Variants in NBPF10 observed in about 807,000 individuals in gnomAD.
The protein encoded by NBPF10 is NBPF member 10.
A neutral mutation model predicts 77.9 loss-of-function variants in NBPF10; 63 were observed. The observed-to-expected ratio is 0.81, with a 90% confidence interval of 0.66 to 1.00. The LOEUF (loss-of-function observed/expected upper bound fraction) is 1.00, where lower values mean the gene tolerates loss of function less well. Ranked by LOEUF, NBPF10 falls within the 50% of genes least tolerant of loss-of-function variation. The pLI is 0.00. For synonymous variants in NBPF10, 146 were observed against 264.5 expected (o/e 0.55, Z 4.35); for missense variants, 522 against 679.8 (o/e 0.77, Z 2.58).
chr1:146,129,912 T>C lies in NBPF10; in HGVS notation c.1638-1630A>G, dbSNP rs1274990911. 2.7e-4 allele frequency among the ~76,000 whole-genome samples: 27 copies of C among 100,842 alleles called. 1 individual carries two copies. Among genetic ancestry groups the C allele is most frequent in the African/African-American group, 1.2e-3 (24 of 20,778 alleles). The allele number at this position is 100,842 out of a possible 152,430, so 66.2% of individuals were successfully genotyped here. ...GTGTGTATGTATATATATATATATA[T>C]TTTTTAATACTTTAAGTCTTAGGGT... On this transcript the variant is annotated intron_variant, in intron 11 of 89. Transcript: ENST00000583866.
intron 19 of NBPF10, among the ~76,000 whole-genome samples, chr1:146,121,921 A>C (rs1658224633): frequency 1.4e-5 from 2 of 146,380 alleles, no homozygotes; most frequent in African/African-American, 5.3e-5. Context: ...TGAATTGGCC[A>C]GGTGACATAC....
Position 146,081,030 on chromosome 1 carries a change from C to CAGAG in NBPF10, c.8892-257_8892-254dup, listed in dbSNP as rs1174335533. Among the ~76,000 whole-genome samples, 87 of 35,472 alleles carry CAGAG rather than the reference C, an allele frequency of 2.5e-3. 2 individuals carry two copies. Among genetic ancestry groups the CAGAG allele is most frequent in the South Asian group, 4.7e-3 (4 of 852 alleles). The allele number at this position is 35,472 out of a possible 152,430, so 23.3% of individuals were successfully genotyped here. A position where few individuals can be genotyped will look rare whatever the true frequency, so the allele number is the denominator to read the frequency against. On this transcript the variant is annotated intron_variant, in intron 71 of 89. Coordinates refer to ENST00000583866, the Ensembl canonical transcript of NBPF10. ...ACACACACACACACACACACACACACAGAGAGAGAGAGAGAGAACGAGCTC... is the reference window on the plus strand; with the variant it reads ...ACACACACACACACACACACACACACAGAGAGAGAGAGAGAGAGAGAACGAGCTC...
chr1:146,074,015 C>G lies in NBPF10; in HGVS notation c.10078+256G>C, dbSNP rs1346392711. On this transcript the variant is annotated intron_variant, in intron 80 of 89. Coordinates refer to ENST00000583866, the Ensembl canonical transcript of NBPF10. ...GAGTTGTGTGAATTTGTCACATCTG[C>G]CCAGATCCAACATCTTGAGAGTAGG... Among the ~76,000 whole-genome samples, 460 of 96,166 alleles carry G rather than the reference C, an allele frequency of 4.8e-3. 133 individuals are homozygous for G. The highest frequency in any genetic ancestry group is 9.9e-3 in the Non-Finnish European group (361 of 36,414). 63.1% of individuals were successfully genotyped at this position (96,166 alleles called of 152,430 possible).
At chr1:146,068,573 C>T (rs1345459185) in intron 87 of NBPF10, among the ~76,000 whole-genome samples, 199 bp downstream of exon 87, 2 of 29,904 alleles carry the variant, frequency 6.7e-5, no homozygotes, top group African/African-American at 1.8e-4. Context: ...TATGGTCAAC[C>T]TATAGTAAGT....
At chr1:146,126,977 C>T (rs1463989143) in intron 13 of NBPF10, 51 bp downstream of exon 13, 1 of 503,334 alleles carries the variant, frequency 2.0e-6, no homozygotes, top group East Asian at 2.9e-5. Flanking sequence ...CTGGACTTGG[C>T]ATCTCCAGGT....
chr1:146,139,263 C>CA (rs1660038424), intron 5 of NBPF10, among the ~76,000 whole-genome samples: 2 of 138,796 alleles, frequency 1.4e-5, no homozygotes, highest in Admixed American at 7.2e-5. Context: ...CCACGCCCAG[C>CA]TATTTTTTTT....
intron 77 of NBPF10, among the ~76,000 whole-genome samples, chr1:146,076,300 CACAGA>C (rs1656047746): frequency 9.7e-4 from 9 of 9,238 alleles, no homozygotes; most frequent in African/African-American, 2.0e-3. Flanking sequence ...CACACACACA[CACAGA>C]GAGAGAGAGA....
In NBPF10 at chr1:146,122,560, T is replaced by C. The variant is rs797038311; in HGVS notation, c.2477-169A>G. On this transcript the variant is annotated intron_variant, in intron 18 of 89. Transcript: ENST00000583866. The stretch of plus-strand genomic sequence containing the variant: ...AAGGCTGGTCATGATAGAAATTCCT[T>C]GGTTTTTCTCCCAGAAACTGTGGGT... Among the ~76,000 whole-genome samples, 13 of 20,404 alleles carry C rather than the reference T, an allele frequency of 6.4e-4. 2 individuals carry two copies. Among genetic ancestry groups the C allele is most frequent in the African/African-American group, 2.1e-3 (7 of 3,414 alleles). 13.4% of individuals were successfully genotyped at this position (20,404 alleles called of 152,430 possible).
chr1:146,084,540 CTTCTTCCCCTTCTT>C lies in NBPF10; in HGVS notation c.8405_8418del (p.Lys2802ArgfsTer16). 1 of 78,872 alleles carries C rather than the reference CTTCTTCCCCTTCTT, an allele frequency of 1.3e-5. No homozygotes were observed. Among genetic ancestry groups the C allele is most frequent in the Non-Finnish European group, 2.8e-5 (1 of 35,112 alleles). The allele number at this position is 78,872 out of a possible 1,614,324, so 4.9% of individuals were successfully genotyped here. Reference sequence around the variant, plus strand: ...CACCTGGGGCATGGTGGGTTTTGATCTTCTTCCCCTTCTTTTCTTCCCCTTCTTCTTTCCTTCTT... The same window carrying C: ...CACCTGGGGCATGGTGGGTTTTGATCTTCTTCCCCTTCTTCTTTCCTTCTT... On this transcript the variant is annotated frameshift_variant, in exon 67 of 90. Transcript: ENST00000583866. LOFTEE classifies it high-confidence loss of function.
At chr1:146,123,545 T>C (rs1326531608) in intron 17 of NBPF10, among the ~76,000 whole-genome samples, 2 of 98,178 alleles carry the variant, frequency 2.0e-5, no homozygotes, top group East Asian at 5.6e-4. Context: ...GAGAACGAGC[T>C]CAGTGAATTG....
intron 89 of NBPF10, 58 bp from the exon 90 acceptor site, chr1:146,066,619 C>T: frequency 1.9e-6 from 1 of 530,018 alleles, no homozygotes; most frequent in Non-Finnish European, 3.3e-6. Context: ...CCACAGAGCC[C>T]CAGCTAGATT....
Position 146,129,916 on chromosome 1 carries a change from T to A in NBPF10, c.1638-1634A>T, listed in dbSNP as rs1659123504. On this transcript the variant is annotated intron_variant, in intron 11 of 89. Transcript: ENST00000583866. ...GTATGTATATATATATATATATTTT[T>A]TAATACTTTAAGTCTTAGGGTACAT... Among the ~76,000 whole-genome samples the A allele has an allele frequency of 1.9e-5, 2 of 105,156 alleles. 1 individual carries two copies. Among genetic ancestry groups the A allele is most frequent in the Non-Finnish European group, 3.9e-5 (2 of 51,328 alleles). 69.0% of individuals were successfully genotyped at this position (105,156 alleles called of 152,430 possible).
intron 14 of NBPF10, 76 bp downstream of exon 14, chr1:146,126,160 G>C (rs1553789821): frequency 2.2e-6 from 2 of 916,046 alleles, no homozygotes; most frequent in African/African-American, 1.6e-5. Context: ...GCTCAGTAAC[G>C]GCCACTTGCA....
chr1:146,126,520 T>C, intron 13 of NBPF10, 112 bp from the exon 14 acceptor site: 3 of 715,612 alleles, frequency 4.2e-6, no homozygotes, highest in Non-Finnish European at 2.6e-6. Flanking sequence ...AAAGGACAGA[T>C]CCATTAATGA....
In NBPF10 at chr1:146,067,222, C is replaced by T. The variant is rs782461990; in HGVS notation, c.11102G>A (p.Gly3701Glu). 13 of 566,580 alleles carry T rather than the reference C, an allele frequency of 2.3e-5. 1 individual carries two copies. Among genetic ancestry groups the T allele is most frequent in the African/African-American group, 4.0e-5 (2 of 50,318 alleles). The allele number at this position is 566,580 out of a possible 1,614,324, so 35.1% of individuals were successfully genotyped here. A position where few individuals can be genotyped will look rare whatever the true frequency, so the allele number is the denominator to read the frequency against. The change falls in exon 89 of 90, where the codon GGA becomes GAA. Residue 3701 changes from glycine (G) to glutamate (E), a missense_variant. Coordinates refer to ENST00000583866, the Ensembl canonical transcript of NBPF10. ...TTGATCTTCTTCCCCTTCTTTTCTT[C>T]CCCTTCTTCTTTCCTTCTTTGATCT...
At chr1:146,081,015 A>C (rs1553781502) in intron 71 of NBPF10, among the ~76,000 whole-genome samples, 1 of 80,922 alleles carries the variant, frequency 1.2e-5, no homozygotes, top group Non-Finnish European at 3.4e-5. Context: ...ACACACACAC[A>C]CACACACACA....
At chr1:146,125,160 G>A (rs1384446831) in intron 15 of NBPF10, among the ~76,000 whole-genome samples, 2 of 19,990 alleles carry the variant, frequency 1.0e-4, no homozygotes, top group Non-Finnish European at 1.7e-4. Context: ...AGTGCCCTCG[G>A]GACACACAGC....
chr1:146,139,082 C>G lies in NBPF10; in HGVS notation c.779-637G>C, dbSNP rs1660005783. Among the ~76,000 whole-genome samples, 3 of 118,546 alleles carry G rather than the reference C, an allele frequency of 2.5e-5. 1 individual carries two copies. The South Asian group carries it at 9.3e-4, about 37-fold the overall frequency. 77.8% of individuals were successfully genotyped at this position (118,546 alleles called of 152,430 possible). A position where few individuals can be genotyped will look rare whatever the true frequency, so the allele number is the denominator to read the frequency against. ...TAAGATGTGAGCCAGCGCCCCTGGT[C>G]AGAGACTTACTTTTTTTTTTTTTTT... On this transcript the variant is annotated intron_variant, in intron 5 of 89. Transcript: ENST00000583866.
intron 86 of NBPF10, among the ~76,000 whole-genome samples, chr1:146,069,290 A>G (rs1655542808): frequency 1.1e-5 from 1 of 90,656 alleles, no homozygotes; most frequent in African/African-American, 5.1e-5. Flanking sequence ...ACATCTGCCC[A>G]GATCCAACAT....
Sources: gnomAD v4.1 joint callset for allele counts (sites outside exome capture counted in the v4.1 genomes callset) on GRCh38, gnomAD v4.1.1 for gene constraint, MANE v1.5 for transcripts, NCBI Gene and HGNC (gene_info 2026-07-23, HGNC 2026-07-21) for gene names.